Variants in SLC7A11 observed in about 807,000 individuals in gnomAD.
SLC7A11 encodes cystine/glutamate transporter.
In SLC7A11, 35 loss-of-function variants were observed where a neutral mutation model predicts 54.5. That is an observed-to-expected ratio of 0.64 (90% CI 0.49 to 0.85). SLC7A11 has a LOEUF of 0.85. Among genes scored for constraint, SLC7A11 ranks in the 40% least tolerant of loss-of-function variants. The probability of loss-of-function intolerance (pLI) is 0.00; values close to 1 mark genes in which losing one functional copy is unlikely to be tolerated. For missense variants in SLC7A11, 583 were observed against 618.1 expected (o/e 0.94, Z 0.60); for synonymous variants, 230 against 225.2 (o/e 1.02, Z -0.19).
rs1051217035 is a variant in SLC7A11, at chr4:138,175,477, G to A, written c.1445-3460C>T. Among the ~76,000 whole-genome samples, 6 of 151,978 alleles carry A rather than the reference G, an allele frequency of 3.9e-5. No homozygotes were observed. The East Asian group carries it at 1.2e-3, about 29-fold the overall frequency. On this transcript the variant is annotated intron_variant, in intron 11 of 11. Coordinates refer to ENST00000280612, the MANE Select transcript of SLC7A11 (RefSeq NM_014331.4). ...GTTTGCCAGGTCTTGCTATCTTTGT[G>A]TATTTGCATATGTCATTGGGGTATC...
chr4:138,237,794 C>T (rs1352350126), intron 1 of SLC7A11, among the ~76,000 whole-genome samples: 1 of 122,390 alleles, frequency 8.2e-6, no homozygotes, highest in African/African-American at 3.2e-5. Context: ...TCTGTCCCCC[C>T]AGGCTGCAGT....
intron 6 of SLC7A11, among the ~76,000 whole-genome samples, chr4:138,212,113 G>T (rs1737565971): frequency 6.6e-6 from 1 of 151,814 alleles, no homozygotes; most frequent in Non-Finnish European, 1.5e-5. Flanking sequence ...TCGTATGCAT[G>T]CATCGAGATA....
At chr4:138,229,670 C>A (rs1738026915) in intron 3 of SLC7A11, among the ~76,000 whole-genome samples, 2 of 152,178 alleles carry the variant, frequency 1.3e-5, no homozygotes, top group Admixed American at 1.3e-4. Flanking sequence ...GAGCAGTTTT[C>A]ATTTAATCCT....
intron 6 of SLC7A11, among the ~76,000 whole-genome samples, chr4:138,194,626 T>C (rs1030407067): frequency 3.8e-4 from 58 of 152,192 alleles, no homozygotes; most frequent in African/African-American, 1.3e-3. Flanking sequence ...TGTCTATATA[T>C]ACCATCCCAA....
intron 8 of SLC7A11, 102 bp from the exon 9 acceptor site, chr4:138,182,495 G>T: frequency 1.4e-6 from 1 of 694,102 alleles, no homozygotes; most frequent in Non-Finnish European, 2.6e-6. Flanking sequence ...CATACCAAAT[G>T]GTCAGGTATT....
intron 6 of SLC7A11, among the ~76,000 whole-genome samples, chr4:138,192,730 AT>A (rs1298988454): frequency 6.6e-6 from 1 of 152,056 alleles, no homozygotes; most frequent in Non-Finnish European, 1.5e-5. Context: ...ATAAAAACTG[AT>A]TTTCATCTTT....
chr4:138,207,854 G>GT (rs1223242441), intron 6 of SLC7A11, among the ~76,000 whole-genome samples: 7 of 152,034 alleles, frequency 4.6e-5, no homozygotes, highest in Admixed American at 2.0e-4. Flanking sequence ...GTTTTCTTAT[G>GT]TTTTTTACTC....
At chr4:138,205,745 AAATAAG>A (rs1467036156) in intron 6 of SLC7A11, among the ~76,000 whole-genome samples, 3 of 152,066 alleles carry the variant, frequency 2.0e-5, no homozygotes, top group Admixed American at 1.3e-4. Flanking sequence ...TTACGTGCAT[AAATAAG>A]AATATGAATG....
rs1459775506 is a variant in SLC7A11 at position 138,169,107 on chromosome 4, T to C, written c.*2849A>G. On this transcript the variant is annotated 3_prime_UTR_variant, in exon 12 of 12. Transcript: ENST00000280612. ...TTTACTGTTTATGTTATAATAAACT[T>C]ATGTATATAAACATTTGAATATGCA... is the stretch of plus-strand genomic sequence containing the variant. 2.0e-5 allele frequency: 3 copies of C among 152,138 alleles called. No homozygotes were observed. Among genetic ancestry groups the C allele is most frequent in the Non-Finnish European group, 4.4e-5 (3 of 68,004 alleles). The allele number at this position is 152,138 out of a possible 1,614,324, so 9.4% of individuals were successfully genotyped here.
At chr4:138,172,637 C>T (rs1050098753) in intron 11 of SLC7A11, among the ~76,000 whole-genome samples, 6 of 152,114 alleles carry the variant, frequency 3.9e-5, no homozygotes, top group Non-Finnish European at 7.4e-5. Flanking sequence ...GAAGATGGGG[C>T]CTAGCAGTCT....
intron 5 of SLC7A11, among the ~76,000 whole-genome samples, chr4:138,217,496 G>A (rs766527443): frequency 2.6e-5 from 4 of 152,172 alleles, no homozygotes; most frequent in Non-Finnish European, 4.4e-5. Flanking sequence ...GCCTACATAA[G>A]CGGAGAAATT....
chr4:138,169,732 A>C lies in SLC7A11; in HGVS notation c.*2224T>G, dbSNP rs1338448050. 1.3e-5 allele frequency: 2 copies of C among 152,116 alleles called. No homozygotes were observed. Among genetic ancestry groups the C allele is most frequent in the African/African-American group, 4.8e-5 (2 of 41,446 alleles). The allele number at this position is 152,116 out of a possible 1,614,324, so 9.4% of individuals were successfully genotyped here. A position where few individuals can be genotyped will look rare whatever the true frequency, so the allele number is the denominator to read the frequency against. ...TATGAGCCTAGTCTATGGGGAAAAA[A>C]AAAATAGGAATATGAAAGAAATTCT... is the stretch of plus-strand genomic sequence containing the variant. On this transcript the variant is annotated 3_prime_UTR_variant, in exon 12 of 12. Coordinates refer to ENST00000280612, the MANE Select transcript of SLC7A11 (RefSeq NM_014331.4).
chr4:138,227,837 A>T (rs760105018), intron 3 of SLC7A11, among the ~76,000 whole-genome samples: 16 of 152,174 alleles, frequency 1.1e-4, no homozygotes, highest in Non-Finnish European at 2.1e-4. Flanking sequence ...TTTGCATGTC[A>T]TCCTCCTAAA....
intron 9 of SLC7A11, among the ~76,000 whole-genome samples, chr4:138,181,821 T>A (rs1451704269): frequency 6.6e-6 from 1 of 152,150 alleles, no homozygotes; most frequent in Non-Finnish European, 1.5e-5. Flanking sequence ...AAAAGACACT[T>A]GCTCTCAAAT....
Position 138,180,648 on chromosome 4 carries a change from G to A in SLC7A11, c.1259C>T (p.Pro420Leu). ...LRYKCPDMHR[P>L]FKVPLFIPAL... ...CAAGATTGCTGAGGTTACCTTGAAA[G>A]GACGATGCATATCTGGGCATTTGTA... The change falls in exon 10 of 12, where the codon CCT becomes CTT. Residue 420 changes from proline to leucine, a missense_variant. Pro to Leu is a moderately conservative substitution (Grantham distance 98). Transcript: ENST00000280612. The A allele has an allele frequency of 6.2e-7, 1 of 1,612,722 alleles. No individual in the cohort carries two copies. Among genetic ancestry groups the A allele is most frequent in the East Asian group, 2.2e-5 (1 of 44,728 alleles).
At chr4:138,212,176 C>A (rs960058500) in intron 6 of SLC7A11, among the ~76,000 whole-genome samples, 4 of 151,730 alleles carry the variant, frequency 2.6e-5, no homozygotes, top group African/African-American at 4.8e-5. Flanking sequence ...TAATAGAGAT[C>A]AAAAATGCAT....
rs1187688789 is a variant in SLC7A11 at position 138,171,091 on chromosome 4, T to C, written c.*865A>G. On this transcript the variant is annotated 3_prime_UTR_variant, in exon 12 of 12. Transcript: ENST00000280612. ...GATAATGTAATTTGAAGGCTTAAAA[T>C]GCATATGTTTAGATAGACTCATCAG... is the stretch of plus-strand genomic sequence containing the variant. 6.6e-6 allele frequency: 1 copy of C among 152,132 alleles called. No individual in the cohort carries two copies. The highest frequency in any genetic ancestry group is 6.6e-5 in the Admixed American group (1 of 15,266). The allele number at this position is 152,132 out of a possible 1,614,324, so 9.4% of individuals were successfully genotyped here.
At chr4:138,182,103 G>A (rs1364300922) in intron 9 of SLC7A11, among the ~76,000 whole-genome samples, 194 bp downstream of exon 9, 1 of 151,738 alleles carries the variant, frequency 6.6e-6, no homozygotes, top group Non-Finnish European at 1.5e-5. Flanking sequence ...TTGCCCCAAA[G>A]CATCAAAAAA....
intron 7 of SLC7A11, 24 bp downstream of exon 7, chr4:138,185,097 G>A: frequency 6.2e-7 from 1 of 1,611,422 alleles, no homozygotes; most frequent in Non-Finnish European, 8.5e-7. Context: ...AATTCCAATT[G>A]GCATTTTCCC....
Sources: allele counts gnomAD v4.1 joint callset (sites outside exome capture counted in the v4.1 genomes callset), GRCh38; gene constraint gnomAD v4.1.1; transcripts MANE v1.5; gene names NCBI Gene and HGNC (gene_info 2026-07-23, HGNC 2026-07-21).